Variants in DAGLA observed in about 807,000 individuals in gnomAD.
The protein encoded by DAGLA is diacylglycerol lipase alpha, also known as diacylglycerol lipase-alpha.
DAGLA carries 22 observed loss-of-function variants against 102.6 expected under a neutral mutation model. The observed-to-expected ratio is 0.21, with a 90% CI of 0.15 to 0.31. The LOEUF (loss-of-function observed/expected upper bound fraction) is 0.31, where lower values mean the gene tolerates loss of function less well. Ranked by LOEUF, DAGLA falls within the 10% of genes least tolerant of loss-of-function variation. The probability of loss-of-function intolerance (pLI) is 1.00; values close to 1 mark genes in which losing one functional copy is unlikely to be tolerated. For synonymous variants in DAGLA, 578 were observed against 628.9 expected, an observed-to-expected ratio of 0.92 and a Z score of 1.21; for missense variants, 927 against 1,446.6, an observed-to-expected ratio of 0.64 and a Z score of 5.83.
In DAGLA at chr11:61,735,675, G is replaced by T. The variant is rs951705563; in HGVS notation, c.1212+31G>T. On this transcript the variant is annotated intron_variant, in intron 11 of 19. Coordinates refer to ENST00000257215, the MANE Select transcript of DAGLA (RefSeq NM_006133.3). Reference sequence around the variant, plus strand: ...CTGCCCATGGCTCCCAGCCCCCGGGGGTGCCTGCCTCCCTCTTCCTGTCCT... The same window carrying T: ...CTGCCCATGGCTCCCAGCCCCCGGGTGTGCCTGCCTCCCTCTTCCTGTCCT... The T allele has an allele frequency of 3.1e-6, 5 of 1,613,004 alleles. No individual in the cohort carries two copies. In the South Asian group the frequency reaches 4.4e-5, roughly 14 times the overall value.
At position 61,712,924 on chromosome 11, in the gene DAGLA, C is replaced by T. The variant is rs184588207; in HGVS notation, c.-44-7188C>T. Among the ~76,000 whole-genome samples, 16 of 152,300 alleles carry T rather than the reference C, an allele frequency of 1.1e-4. No homozygotes were observed. In the East Asian group the frequency reaches 2.7e-3, roughly 26 times the overall value. ...GAAGCTACTTGAAATCCCAGCTCTG[C>T]GATGTCCTCGTGGAGGGATCTTCGT... is the stretch of plus-strand genomic sequence containing the variant. On this transcript the variant is annotated intron_variant, in intron 1 of 19. Transcript: ENST00000257215.
chr11:61,683,534 A>G (rs2064961808), intron 1 of DAGLA, among the ~76,000 whole-genome samples: 2 of 152,278 alleles, frequency 1.3e-5, no homozygotes, highest in Admixed American at 6.5e-5. Context: ...TCAGTATTCA[A>G]GTCTCCTCAG....
intron 8 of DAGLA, among the ~76,000 whole-genome samples, chr11:61,729,802 C>G (rs1449776160): frequency 6.6e-6 from 1 of 152,026 alleles, no homozygotes; most frequent in Non-Finnish European, 1.5e-5. Context: ...GCCACGTGTG[C>G]TGCCTTGTGC....
chr11:61,692,616 G>A (rs1378885716), intron 1 of DAGLA, among the ~76,000 whole-genome samples: 1 of 152,094 alleles, frequency 6.6e-6, no homozygotes, highest in Non-Finnish European at 1.5e-5. Context: ...GCATCTGCCA[G>A]GGGGAGAAGG....
intron 1 of DAGLA, among the ~76,000 whole-genome samples, chr11:61,706,615 A>C (rs2065152046): frequency 6.6e-6 from 1 of 152,212 alleles, no homozygotes; most frequent in Non-Finnish European, 1.5e-5. Context: ...GTCACCTCCC[A>C]CAACATCCAG....
At chr11:61,685,096 C>A (rs931569683) in intron 1 of DAGLA, among the ~76,000 whole-genome samples, 6 of 152,042 alleles carry the variant, frequency 3.9e-5, no homozygotes, top group Admixed American at 3.9e-4. Context: ...AGTCCCCTCC[C>A]CCCCATGACA....
chr11:61,680,907 G>A (rs1342849749), intron 1 of DAGLA, among the ~76,000 whole-genome samples: 1 of 152,180 alleles, frequency 6.6e-6, no homozygotes, highest in Admixed American at 6.5e-5. Context: ...GGTGCCGCTA[G>A]CATGGGTGTG....
chr11:61,694,781 C>T (rs920089684), intron 1 of DAGLA, among the ~76,000 whole-genome samples: 6 of 152,066 alleles, frequency 3.9e-5, no homozygotes, highest in Non-Finnish European at 7.4e-5. Flanking sequence ...GGGATTCATG[C>T]GGTCACATGT....
chr11:61,738,078 A>C (rs1433181914), intron 15 of DAGLA, 57 bp from the exon 16 acceptor site: 1 of 1,428,264 alleles, frequency 7.0e-7, no homozygotes, highest in Non-Finnish European at 9.9e-7. Context: ...CTGGCCCCAT[A>C]CCTCTCATAG....
chr11:61,702,080 T>TA (rs1182265220), intron 1 of DAGLA, among the ~76,000 whole-genome samples: 1 of 152,060 alleles, frequency 6.6e-6, no homozygotes, highest in African/African-American at 2.4e-5. Context: ...CTGGCTAAAT[T>TA]AAAAAAAATT....
At chr11:61,707,445 C>G (rs1221631914) in intron 1 of DAGLA, among the ~76,000 whole-genome samples, 1 of 152,258 alleles carries the variant, frequency 6.6e-6, no homozygotes, top group African/African-American at 2.4e-5. Flanking sequence ...CTGTTCTCCC[C>G]TCTCCTTTCC....
intron 1 of DAGLA, among the ~76,000 whole-genome samples, chr11:61,693,955 C>T (rs965468803): frequency 6.6e-6 from 1 of 152,268 alleles, no homozygotes; most frequent in African/African-American, 2.4e-5. Context: ...GGGAAGCCCC[C>T]AGCTTGCAAA....
At chr11:61,683,782 C>T (rs945247839) in intron 1 of DAGLA, among the ~76,000 whole-genome samples, 4 of 152,120 alleles carry the variant, frequency 2.6e-5, no homozygotes, top group African/African-American at 9.7e-5. Context: ...TAGCAGGGAG[C>T]CCAGCCAGGT....
chr11:61,706,142 G>T (rs1484854299), intron 1 of DAGLA, among the ~76,000 whole-genome samples: 6 of 152,278 alleles, frequency 3.9e-5, no homozygotes, highest in South Asian at 2.1e-4. Flanking sequence ...GAGGCTTCCA[G>T]GGTGGTGACA....
In DAGLA at chr11:61,734,232, C is replaced by T. The variant is rs948487995; in HGVS notation, c.975-617C>T. ...TCTGAGTCTGAAGGGAAGCCGAGTA[C>T]GTGTACTGACCGAGTGGCATGGCCG... On this transcript the variant is annotated intron_variant, in intron 9 of 19. Coordinates refer to ENST00000257215, the MANE Select transcript of DAGLA (RefSeq NM_006133.3). The surrounding 1 kb of genome is among the most constrained non-coding windows in gnomAD (Gnocchi z 4.2). 2.0e-5 allele frequency among the ~76,000 whole-genome samples: 3 copies of T among 150,030 alleles called. No individual in the cohort carries two copies. The highest frequency in any genetic ancestry group is 3.0e-5 in the Non-Finnish European group (2 of 67,566).
chr11:61,714,149 C>T (rs2065218512), intron 1 of DAGLA, among the ~76,000 whole-genome samples: 1 of 152,164 alleles, frequency 6.6e-6, no homozygotes, highest in African/African-American at 2.4e-5. Context: ...CACATGTGTG[C>T]AATGGACTCA....
At chr11:61,687,780 C>T (rs1039189374) in intron 1 of DAGLA, among the ~76,000 whole-genome samples, 1 of 152,218 alleles carries the variant, frequency 6.6e-6, no homozygotes, top group African/African-American at 2.4e-5. Context: ...GTGCCAGGCA[C>T]CAAGCTCAGT....
rs774956285 is a variant in DAGLA, at chr11:61,734,701, G to A, written c.975-148G>A. 41 of 688,414 alleles carry A rather than the reference G, an allele frequency of 6.0e-5. No individual in the cohort carries two copies. The highest frequency in any genetic ancestry group is 8.8e-5 in the Non-Finnish European group (36 of 407,594). The allele number at this position is 688,414 out of a possible 1,614,324, so 42.6% of individuals were successfully genotyped here. A position where few individuals can be genotyped will look rare whatever the true frequency, so the allele number is the denominator to read the frequency against. ...AAGAGTGGCCAGTGGATTTGGTGAC[G>A]TGGGGGTCACTAGGACTTAGCAAGG... On this transcript the variant is annotated intron_variant, in intron 9 of 19. Coordinates refer to ENST00000257215, the MANE Select transcript of DAGLA (RefSeq NM_006133.3). The surrounding 1 kb of genome is among the most constrained non-coding windows in gnomAD (Gnocchi z 4.2).
At chr11:61,723,389 G>T (rs758606683) in intron 4 of DAGLA, 45 bp from the exon 5 acceptor site, 2 of 1,595,514 alleles carry the variant, frequency 1.3e-6, no homozygotes, top group Non-Finnish European at 1.7e-6. Context: ...AGCCAGAGAG[G>T]TGTCCCCAGC....
Sources: gnomAD v4.1 joint callset for allele counts (sites outside exome capture counted in the v4.1 genomes callset) on GRCh38, gnomAD v4.1.1 for gene constraint, Gnocchi (gnomAD v3.1) non-coding constraint, MANE v1.5 for transcripts, NCBI Gene and HGNC (gene_info 2026-07-23, HGNC 2026-07-21) for gene names.